Variants in STPG1 observed in about 807,000 individuals in gnomAD.
STPG1 encodes sperm tail PG-rich repeat containing 1.
STPG1 carries 33 observed loss-of-function variants against 40.1 expected under a neutral mutation model. The observed-to-expected ratio is 0.82, with a 90% CI of 0.62 to 1.10. The LOEUF is 1.10. Among genes scored for constraint, STPG1 ranks in the 50% least tolerant of loss-of-function variants. The pLI is 0.00. For missense variants in STPG1, 396 were observed against 415.1 expected (o/e 0.95, Z 0.40); for synonymous variants, 150 against 155.0 (o/e 0.97, Z 0.24).
intron 4 of STPG1, among the ~76,000 whole-genome samples, chr1:24,382,653 A>G (rs994946779): frequency 2.0e-5 from 3 of 152,208 alleles, no homozygotes; most frequent in Admixed American, 1.3e-4. Flanking sequence ...GGCCATGTAC[A>G]AACTCAGCTT....
Position 24,357,923 on chromosome 1 carries a change from C to G in STPG1, c.*620G>C, listed in dbSNP as rs374905236. 166 of 325,996 alleles carry G rather than the reference C, an allele frequency of 5.1e-4. No homozygotes were observed. The highest frequency in any genetic ancestry group is 3.3e-3 in the African/African-American group (153 of 46,512). 20.2% of individuals were successfully genotyped at this position (325,996 alleles called of 1,614,324 possible). On this transcript the variant is annotated 3_prime_UTR_variant, in exon 9 of 9. Transcript: ENST00000337248. ...GCCATTCCAAGATGATCTCCCACTCCAAAGAGAAAAAGGTCTAAAAGGAGT... is the reference window on the plus strand; with the variant it reads ...GCCATTCCAAGATGATCTCCCACTCGAAAGAGAAAAAGGTCTAAAAGGAGT...
chr1:24,374,166 T>C (rs796517141), intron 5 of STPG1, among the ~76,000 whole-genome samples: 23 of 151,844 alleles, frequency 1.5e-4, no homozygotes, highest in African/African-American at 4.8e-4. Flanking sequence ...GTAAAACGGA[T>C]TGGACAGTCA....
At position 24,369,921 on chromosome 1, in the gene STPG1, C is replaced by T. The variant is rs1333581379; in HGVS notation, c.572-82G>A. The T allele has an allele frequency of 4.0e-6, 5 of 1,262,182 alleles. No individual in the cohort carries two copies. The African/African-American group carries it at 4.5e-5, about 11-fold the overall frequency. The allele number at this position is 1,262,182 out of a possible 1,614,324, so 78.2% of individuals were successfully genotyped here. A position where few individuals can be genotyped will look rare whatever the true frequency, so the allele number is the denominator to read the frequency against. On this transcript the variant is annotated intron_variant, in intron 6 of 8. Transcript: ENST00000337248. ...GCAGTACCTTACCCCTAAGAACACA[C>T]CTGATGGCTGCAAGGCACCATCACT...
At position 24,373,697 on chromosome 1, in the gene STPG1, CT is replaced by C; in HGVS notation, c.571+4del. ...GGTCAAGGCCAGTGCAAAGCAGCTG[CT>C]TACCTGGGGGAGGTCCTTTATCAGC... is the stretch of plus-strand genomic sequence containing the variant. On this transcript the variant is annotated splice_donor_region_variant and intron_variant, in intron 6 of 8. Transcript: ENST00000337248. 1 of 1,602,080 alleles carries C rather than the reference CT, an allele frequency of 6.2e-7. No individual in the cohort carries two copies.
intron 7 of STPG1, among the ~76,000 whole-genome samples, chr1:24,366,104 A>C (rs1277288800): frequency 6.6e-6 from 1 of 152,348 alleles, no homozygotes; most frequent in African/African-American, 2.4e-5. Context: ...GCAGATCCAG[A>C]AAAGCATTTC....
chr1:24,388,990 C>T (rs567005447), intron 3 of STPG1, among the ~76,000 whole-genome samples: 1 of 152,250 alleles, frequency 6.6e-6, no homozygotes, highest in African/African-American at 2.4e-5. Context: ...TGATGGATCC[C>T]CTGCCCTTTC....
At chr1:24,370,222 T>C (rs1378769694) in intron 6 of STPG1, among the ~76,000 whole-genome samples, 1 of 152,172 alleles carries the variant, frequency 6.6e-6, no homozygotes, top group Non-Finnish European at 1.5e-5. Context: ...GAATAATAAT[T>C]CTTCTGACAA....
intron 4 of STPG1, among the ~76,000 whole-genome samples, chr1:24,383,431 A>G (rs1247782801): frequency 1.3e-5 from 2 of 152,190 alleles, no homozygotes; most frequent in African/African-American, 4.8e-5. Flanking sequence ...ATTAAGTCCC[A>G]TATCTTACGA....
chr1:24,414,531 C>CTTTTTTTTTTTT (rs57135976), upstream of STPG1: 3 of 83,168 alleles, frequency 3.6e-5, no homozygotes, highest in Non-Finnish European at 6.7e-5. Flanking sequence ...GAAATCCAAG[C>CTTTTTTTTTTTT]TTTTTTTTTT....
chr1:24,376,394 G>A (rs1642027892), intron 5 of STPG1, among the ~76,000 whole-genome samples: 1 of 152,014 alleles, frequency 6.6e-6, no homozygotes, highest in South Asian at 2.1e-4. Flanking sequence ...CTAATTAATG[G>A]GTTTCTACAG....
At chr1:24,367,089 G>A (rs1641505607) in intron 7 of STPG1, among the ~76,000 whole-genome samples, 1 of 152,202 alleles carries the variant, frequency 6.6e-6, no homozygotes. Flanking sequence ...ACGGCCCCAT[G>A]GGTTGTACAT....
rs1248501671 is a variant in STPG1, at chr1:24,378,075, TGG to T, written c.462+1576_462+1577del. On this transcript the variant is annotated intron_variant, in intron 5 of 8. Coordinates refer to ENST00000337248, the MANE Select transcript of STPG1 (RefSeq NM_001199013.2). ...ATGCCGAGGGAAGACTGCCTGGAGT[TGG>T]ACTGCCCAGTATAGTAGCCACAGGT... 5.0e-3 allele frequency among the ~76,000 whole-genome samples: 769 copies of T among 152,284 alleles called. 6 individuals carry two copies. Among genetic ancestry groups the T allele is most frequent in the African/African-American group, 0.017 (716 of 41,556 alleles).
intron 7 of STPG1, among the ~76,000 whole-genome samples, chr1:24,367,865 C>T (rs118094175): frequency 1.6e-4 from 25 of 152,114 alleles, no homozygotes; most frequent in Admixed American, 7.9e-4. Context: ...GGAATCCCTA[C>T]GAGATAAGAT....
At chr1:24,388,049 T>C (rs1642591719) in intron 3 of STPG1, among the ~76,000 whole-genome samples, 1 of 152,226 alleles carries the variant, frequency 6.6e-6, no homozygotes, top group South Asian at 2.1e-4. Context: ...TATTTTTAAA[T>C]TGTGCCCATC....
At chr1:24,397,813 C>G (rs116795954) in intron 2 of STPG1, among the ~76,000 whole-genome samples, 2 of 152,024 alleles carry the variant, frequency 1.3e-5, no homozygotes, top group Admixed American at 6.5e-5. Flanking sequence ...GAGTAATATT[C>G]CATTGTATAA....
chr1:24,371,733 T>G (rs896874902), intron 6 of STPG1, among the ~76,000 whole-genome samples: 2 of 152,196 alleles, frequency 1.3e-5, no homozygotes, highest in Non-Finnish European at 2.9e-5. Flanking sequence ...TAGCAACACT[T>G]GAATTACAAA....
chr1:24,373,557 C>T, intron 6 of STPG1, 145 bp downstream of exon 6: 1 of 606,834 alleles, frequency 1.6e-6, no homozygotes. Flanking sequence ...CTCACCTCTC[C>T]TCTTTGTTCA....
At chr1:24,400,456 G>A (rs76667580) in intron 2 of STPG1, among the ~76,000 whole-genome samples, 7 of 152,180 alleles carry the variant, frequency 4.6e-5, no homozygotes, top group Non-Finnish European at 1.0e-4. Context: ...TGTTTTCTTT[G>A]TGAATATTCA....
In STPG1 at chr1:24,373,688, A is replaced by G. The variant is rs1322574069; in HGVS notation, c.571+14T>C. The G allele has an allele frequency of 3.8e-6, 6 of 1,582,300 alleles. No homozygotes were observed. The Admixed American group carries it at 1.0e-4, about 26-fold the overall frequency. On this transcript the variant is annotated intron_variant, in intron 6 of 8. Transcript: ENST00000337248. ...TAACCCTTAGGTCAAGGCCAGTGCAAAGCAGCTGCTTACCTGGGGGAGGTC... is the reference window on the plus strand; with the variant it reads ...TAACCCTTAGGTCAAGGCCAGTGCAGAGCAGCTGCTTACCTGGGGGAGGTC...
Sources: allele counts gnomAD v4.1 joint callset (sites outside exome capture counted in the v4.1 genomes callset), GRCh38; gene constraint gnomAD v4.1.1; transcripts MANE v1.5; gene names NCBI Gene and HGNC (gene_info 2026-07-23, HGNC 2026-07-21).